The following SMOC2 variants were observed in gnomAD, a reference collection of about 807,000 sequenced individuals.
SMOC2 encodes SPARC-related modular calcium-binding protein 2.
Under a neutral mutation model 61.4 loss-of-function variants are expected in SMOC2, and 39 were observed. The ratio of observed to expected loss-of-function variants is 0.64; its 90% CI spans 0.49 to 0.83. SMOC2 has a LOEUF of 0.83. Ranked by LOEUF, SMOC2 falls within the 40% of genes least tolerant of loss-of-function variation. The pLI, the probability that SMOC2 is intolerant of heterozygous loss-of-function variation, is 0.00. For synonymous variants in SMOC2, 247 were observed against 239.9 expected, an observed-to-expected ratio of 1.03 and a Z score of -0.27; for missense variants, 556 against 592.9, an observed-to-expected ratio of 0.94 and a Z score of 0.65.
intron 7 of SMOC2, among the ~76,000 whole-genome samples, chr6:168,555,135 C>G (rs1327027520): frequency 1.3e-5 from 2 of 152,258 alleles, no homozygotes; most frequent in African/African-American, 4.8e-5. Context: ...CGGCTCCTCT[C>G]GGCCTCGCCC....
intron 9 of SMOC2, among the ~76,000 whole-genome samples, chr6:168,632,040 G>A (rs1026801723): frequency 4.6e-5 from 7 of 152,176 alleles, no homozygotes; most frequent in South Asian, 2.1e-4. Context: ...CGTGAGCTCC[G>A]TTCCCCTCAC....
At chr6:168,448,215 A>T (rs1280979759) in intron 1 of SMOC2, among the ~76,000 whole-genome samples, 1 of 152,174 alleles carries the variant, frequency 6.6e-6, no homozygotes, top group African/African-American at 2.4e-5. Context: ...ATTCTCTGCC[A>T]TGAAAGCAAC....
chr6:168,618,769 G>A (rs1181837337), intron 9 of SMOC2, among the ~76,000 whole-genome samples: 1 of 152,136 alleles, frequency 6.6e-6, no homozygotes, highest in Non-Finnish European at 1.5e-5. Flanking sequence ...CTTAGGCGAT[G>A]GGGAAGGTGA....
intron 9 of SMOC2, among the ~76,000 whole-genome samples, chr6:168,626,829 C>A (rs2115241926): frequency 6.6e-6 from 1 of 152,312 alleles, no homozygotes; most frequent in Non-Finnish European, 1.5e-5. Context: ...TGGGCTACAC[C>A]TGCTTGAATT....
At chr6:168,565,002 G>A (rs1483754678) in intron 7 of SMOC2, among the ~76,000 whole-genome samples, 1 of 152,168 alleles carries the variant, frequency 6.6e-6, no homozygotes, top group Non-Finnish European at 1.5e-5. Context: ...CTCTGAATGG[G>A]GAAGAATAAA....
intron 7 of SMOC2, among the ~76,000 whole-genome samples, chr6:168,585,937 C>G (rs1232051542): frequency 6.6e-6 from 1 of 152,182 alleles, no homozygotes; most frequent in Non-Finnish European, 1.5e-5. Flanking sequence ...TTCTCCCAGT[C>G]TGTGGCTTGC....
At chr6:168,615,373 G>A (rs868780910) in intron 9 of SMOC2, among the ~76,000 whole-genome samples, 2 of 57,986 alleles carry the variant, frequency 3.4e-5, no homozygotes, top group African/African-American at 7.1e-5. Context: ...AGCACAGGGG[G>A]CCTCTTCACA....
intron 1 of SMOC2, among the ~76,000 whole-genome samples, chr6:168,450,329 A>G (rs570698011): frequency 1.7e-4 from 26 of 152,348 alleles, no homozygotes; most frequent in African/African-American, 5.5e-4. Context: ...GAAGTTGTCA[A>G]CTAGGAATGC....
intron 1 of SMOC2, among the ~76,000 whole-genome samples, chr6:168,508,782 G>A (rs775605401): frequency 7.9e-5 from 12 of 152,324 alleles, no homozygotes; most frequent in African/African-American, 2.9e-4. Flanking sequence ...ACATAGCCCC[G>A]CTCACGTGCA....
intron 8 of SMOC2, among the ~76,000 whole-genome samples, chr6:168,601,280 G>T (rs1785547741): frequency 6.6e-6 from 1 of 152,218 alleles, no homozygotes; most frequent in Non-Finnish European, 1.5e-5. Context: ...TGACGCTGGA[G>T]CGTGAGTGCT....
At position 168,598,900 on chromosome 6, in the gene SMOC2, T is replaced by G; in HGVS notation, c.720T>G (p.Cys240Trp). Residue 240 changes from cysteine (C) to tryptophan (W), a missense_variant, in exon 8 of 13, where the codon TGT becomes TGG. Cys to Trp is a radical substitution (Grantham distance 215). Coordinates refer to ENST00000356284, the MANE Select transcript of SMOC2 (RefSeq NM_001166412.2). ...ACGACAATGTGGTGATCCCTGAGTG[T>G]GCGCACGGCGGCCTCTACAAGCCAG... The part of the protein sequence containing the change: ...PKNDNVVIPE[C>W]AHGGLYKPVQ... The G allele has an allele frequency of 6.2e-7, 1 of 1,613,798 alleles. No homozygotes were observed. The highest frequency in any genetic ancestry group is 8.5e-7 in the Non-Finnish European group (1 of 1,179,830).
At chr6:168,661,661 C>A (rs182035127) in intron 11 of SMOC2, among the ~76,000 whole-genome samples, 419 of 152,226 alleles carry the variant, frequency 2.8e-3, no homozygotes, top group African/African-American at 9.7e-3. Context: ...ACAGCTACTT[C>A]TTTTTATAAC....
chr6:168,589,564 G>A (rs959885145), intron 7 of SMOC2, among the ~76,000 whole-genome samples: 1 of 152,250 alleles, frequency 6.6e-6, no homozygotes, highest in Non-Finnish European at 1.5e-5. Context: ...GGGAACCTGT[G>A]GGTTCTGTCT....
At chr6:168,662,766 G>T (rs890981202) in intron 11 of SMOC2, among the ~76,000 whole-genome samples, 7 of 152,228 alleles carry the variant, frequency 4.6e-5, no homozygotes, top group Non-Finnish European at 1.0e-4. Flanking sequence ...TGCGAGGAGT[G>T]TCGGGCTCTG....
chr6:168,661,116 A>ATT (rs35988026), intron 11 of SMOC2, among the ~76,000 whole-genome samples: 1 of 150,650 alleles, frequency 6.6e-6, no homozygotes, highest in African/African-American at 2.4e-5. Flanking sequence ...TCCTTACAGA[A>ATT]TTTTTTTTTT....
chr6:168,539,673 G>T (rs1583093617), intron 4 of SMOC2, among the ~76,000 whole-genome samples: 1 of 152,234 alleles, frequency 6.6e-6, no homozygotes, highest in Admixed American at 6.5e-5. Flanking sequence ...TTGCAGGGGG[G>T]CACTTCCAGC....
intron 2 of SMOC2, among the ~76,000 whole-genome samples, chr6:168,518,761 T>G (rs1316878779): frequency 2.1e-5 from 3 of 145,442 alleles, no homozygotes; most frequent in Non-Finnish European, 3.0e-5. Flanking sequence ...GTGTGTGTGT[T>G]CATGTGCGTG....
At chr6:168,481,520 A>G (rs1420585659) in intron 1 of SMOC2, among the ~76,000 whole-genome samples, 1 of 152,062 alleles carries the variant, frequency 6.6e-6, no homozygotes, top group East Asian at 1.9e-4. Context: ...TAGAGTATAT[A>G]TGAAAGGAAG....
chr6:168,595,700 C>A lies in SMOC2; in HGVS notation c.638-3118C>A, dbSNP rs368898696. Among the ~76,000 whole-genome samples, 32 of 152,366 alleles carry A rather than the reference C, an allele frequency of 2.1e-4. No homozygotes were observed. The East Asian group carries it at 4.6e-3, about 22-fold the overall frequency. On this transcript the variant is annotated intron_variant, in intron 7 of 12. Coordinates refer to ENST00000356284, the MANE Select transcript of SMOC2 (RefSeq NM_001166412.2). ...AATTGCATGGGTTAACAGCCCTCATCAACCACGATGTTTATATAAACATAC... is the reference window on the plus strand; with the variant it reads ...AATTGCATGGGTTAACAGCCCTCATAAACCACGATGTTTATATAAACATAC...
Sources: allele counts gnomAD v4.1 joint callset (sites outside exome capture counted in the v4.1 genomes callset), GRCh38; gene constraint gnomAD v4.1.1; transcripts MANE v1.5; gene names NCBI Gene and HGNC (gene_info 2026-07-23, HGNC 2026-07-21).